Variants in GDF5 observed in about 807,000 individuals in gnomAD.
The protein encoded by GDF5 is growth/differentiation factor 5.
A neutral mutation model predicts 34.6 loss-of-function variants in GDF5; 17 were observed. That is an observed-to-expected ratio of 0.49 (90% confidence interval 0.34 to 0.74). The LOEUF is 0.74. GDF5 is among the 30% of genes least tolerant of loss of function. The pLI, the probability that GDF5 is intolerant of heterozygous loss-of-function variation, is 0.01. For synonymous variants in GDF5, 332 were observed against 290.7 expected (o/e 1.14, Z -1.44); for missense variants, 616 against 661.2 (o/e 0.93, Z 0.75).
intron 1 of GDF5, among the ~76,000 whole-genome samples, chr20:35,435,971 C>T (rs188051622): frequency 2.7e-4 from 41 of 151,974 alleles, no homozygotes; most frequent in East Asian, 1.2e-3. Context: ...CATGTGTGTA[C>T]GTGTGTGATT....
At chr20:35,446,416 T>C (rs1046186101) in intron 1 of GDF5, among the ~76,000 whole-genome samples, 1 of 151,248 alleles carries the variant, frequency 6.6e-6, no homozygotes, top group African/African-American at 2.4e-5. Context: ...ATGTGCTTCA[T>C]AAATTATAAT....
rs768451101 is a variant in GDF5, at chr20:35,434,904, C to T, written c.632-121G>A. 57 of 1,054,210 alleles carry T rather than the reference C, an allele frequency of 5.4e-5. No homozygotes were observed. In the African/African-American group the frequency reaches 8.1e-4, roughly 15 times the overall value. 65.3% of individuals were successfully genotyped at this position (1,054,210 alleles called of 1,614,324 possible). On this transcript the variant is annotated intron_variant, in intron 1 of 1. Coordinates refer to ENST00000374369, the MANE Select transcript of GDF5 (RefSeq NM_000557.5). ...AGAGAGCTTTCTTTCACCTCTGCCC[C>T]ATTCTGACAGAAGCCAAGAGCCAAA...
chr20:35,453,622 T>C (rs1457043387), intron 1 of GDF5, among the ~76,000 whole-genome samples: 2 of 152,254 alleles, frequency 1.3e-5, no homozygotes, highest in Non-Finnish European at 2.9e-5. Flanking sequence ...TTCCCCTCTC[T>C]AGATAGTTTG....
intron 1 of GDF5, among the ~76,000 whole-genome samples, chr20:35,443,360 A>G (rs1258349917): frequency 6.6e-6 from 1 of 152,094 alleles, no homozygotes; most frequent in East Asian, 1.9e-4. Flanking sequence ...CTTGAGGTAG[A>G]GGATGGGAGC....
chr20:35,439,993 T>C (rs972014772), upstream of GDF5, among the ~76,000 whole-genome samples: 1 of 135,364 alleles, frequency 7.4e-6, no homozygotes, highest in Admixed American at 8.6e-5. Flanking sequence ...CTTGGCTCAC[T>C]GTAATCTCCA....
intron 1 of GDF5, among the ~76,000 whole-genome samples, chr20:35,436,174 A>C (rs1445399336): frequency 6.6e-6 from 1 of 152,116 alleles, no homozygotes; most frequent in Non-Finnish European, 1.5e-5. Context: ...TAGGCCTTTA[A>C]ACTCCCCATC....
At chr20:35,443,791 C>T (rs1342777373) in intron 1 of GDF5, among the ~76,000 whole-genome samples, 4 of 152,118 alleles carry the variant, frequency 2.6e-5, no homozygotes, top group African/African-American at 9.7e-5. Context: ...GGATTACAGG[C>T]GTGAGCCACT....
chr20:35,434,605 G>A lies in GDF5; in HGVS notation c.810C>T (p.Ser270=). The change falls in exon 2 of 2, where the codon AGC becomes AGT. Residue 270 remains serine (S), a synonymous_variant. Transcript: ENST00000374369. ...AAQLKLSSCP[S]GRQPAALLDV... The stretch of plus-strand genomic sequence containing the variant: ...CCAGCAAGGCGGCCGGCTGCCGGCC[G>A]CTGGGGCAGCTGGACAGCTTCAGCT... The A allele has an allele frequency of 6.3e-7, 1 of 1,592,386 alleles. No homozygotes were observed. Among genetic ancestry groups the A allele is most frequent in the Non-Finnish European group, 8.6e-7 (1 of 1,167,494 alleles).
chr20:35,450,079 G>C (rs2062525883), intron 1 of GDF5, among the ~76,000 whole-genome samples: 1 of 151,538 alleles, frequency 6.6e-6, no homozygotes, highest in African/African-American at 2.4e-5. Flanking sequence ...GAGGTGGGCG[G>C]ATCACTTGAG....
In GDF5 at chr20:35,438,132, G is replaced by A; in HGVS notation, c.-204C>T. The A allele has an allele frequency of 1.6e-6, 1 of 628,996 alleles. No individual in the cohort carries two copies. The highest frequency in any genetic ancestry group is 2.8e-6 in the Non-Finnish European group (1 of 355,478). 39.0% of individuals were successfully genotyped at this position (628,996 alleles called of 1,614,324 possible). On this transcript the variant is annotated 5_prime_UTR_variant, in exon 1 of 2. Coordinates refer to ENST00000374369, the MANE Select transcript of GDF5 (RefSeq NM_000557.5). ...TTGTATCCAGTCCCATAGTGGAAAT[G>A]CTCTCGTATCCAGACGTGCACCGTC...
chr20:35,446,908 C>CCT (rs1486012603), intron 1 of GDF5, among the ~76,000 whole-genome samples: 151,534 of 152,170 alleles, frequency 1, 75,456 homozygotes, highest in Middle Eastern at 1. Context: ...TGTCCCAACC[C>CCT]GAGAATCCCA....
intron 1 of GDF5, among the ~76,000 whole-genome samples, chr20:35,447,210 C>T (rs1266801607): frequency 2.0e-5 from 3 of 152,080 alleles, no homozygotes; most frequent in African/African-American, 7.2e-5. Context: ...CCCCTCCCCC[C>T]ACCTCACAAC....
chr20:35,443,006 T>C (rs1243611111), upstream of GDF5, among the ~76,000 whole-genome samples: 1 of 152,144 alleles, frequency 6.6e-6, no homozygotes, highest in Non-Finnish European at 1.5e-5. Context: ...CAGTATTCCT[T>C]TCAGTCAACG....
chr20:35,437,986 C>T lies in GDF5; in HGVS notation c.-58G>A. 1 of 1,602,924 alleles carries T rather than the reference C, an allele frequency of 6.2e-7. No homozygotes were observed. The highest frequency in any genetic ancestry group is 8.5e-7 in the Non-Finnish European group (1 of 1,173,850). ...AACAGCGGCAGCAGCGAAGGTGCCT[C>T]TGGTTTGGCAGGAAAAACCATGAAA... On this transcript the variant is annotated 5_prime_UTR_variant, in exon 1 of 2. Coordinates refer to ENST00000374369, the MANE Select transcript of GDF5 (RefSeq NM_000557.5).
intron 1 of GDF5, among the ~76,000 whole-genome samples, chr20:35,453,750 G>C (rs933171615): frequency 7.9e-5 from 12 of 152,152 alleles, no homozygotes; most frequent in Admixed American, 4.6e-4. Context: ...TAGCTTTTAA[G>C]CGTTCCTTTC....
rs572881000 is a variant in GDF5, at chr20:35,447,661, T to C, written c.-397-6274A>G. ...ATACATATTAGGAAGAAAAGTAATA[T>C]GAATTCATGATTTTAAAAATTCAAA... On this transcript the variant is annotated intron_variant, in intron 1 of 3. Transcript: ENST00000374372. Among the ~76,000 whole-genome samples, 250 of 152,292 alleles carry C rather than the reference T, an allele frequency of 1.6e-3. 1 individual carries two copies. The highest frequency in any genetic ancestry group is 1.4e-3 in the Non-Finnish European group (96 of 68,020).
intron 1 of GDF5, 67 bp downstream of exon 1, chr20:35,437,231 G>A (rs996923425): frequency 1.7e-6 from 2 of 1,177,710 alleles, no homozygotes; most frequent in Non-Finnish European, 2.5e-6. Context: ...CCAGGGCTTT[G>A]AAAGCCCCTC....
Position 35,434,633 on chromosome 20 carries a change from G to A in GDF5, c.782C>T (p.Ala261Val). The change falls in exon 2 of 2, where the codon GCC (alanine) becomes GTC (valine). Residue 261 changes from alanine (A) to valine (V), a missense_variant. Physicochemically the swap from Ala to Val is moderately conservative, Grantham distance 64 (BLOSUM62 0). Transcript: ENST00000374369. ...GGGGCAGCTGGACAGCTTCAGCTGG[G>A]CAGCCCGCCCGCCTCCGGGGGCCGC... Reference protein sequence around the residue: ...KPAAPGGGRAAQLKLSSCPSG... With the variant: ...KPAAPGGGRAVQLKLSSCPSG... 1.2e-6 allele frequency: 2 copies of A among 1,607,308 alleles called. No homozygotes were observed. The highest frequency in any genetic ancestry group is 1.7e-6 in the Non-Finnish European group (2 of 1,175,244).
chr20:35,438,420 C>G (rs1395243411), upstream of GDF5, among the ~76,000 whole-genome samples: 3 of 149,950 alleles, frequency 2.0e-5, no homozygotes, highest in African/African-American at 7.4e-5. Flanking sequence ...TCAGAAAAAT[C>G]TTTTACAAAC....
Sources: allele counts gnomAD v4.1 joint callset (sites outside exome capture counted in the v4.1 genomes callset), GRCh38; gene constraint gnomAD v4.1.1; transcripts MANE v1.5; gene names NCBI Gene and HGNC (gene_info 2026-07-23, HGNC 2026-07-21).